Variants in SOX6 observed in about 807,000 individuals in gnomAD.
The protein encoded by SOX6 is SRY-box transcription factor 6.
SOX6 carries 11 observed loss-of-function variants against 97.8 expected under a neutral mutation model. The ratio of observed to expected loss-of-function variants is 0.11; its 90% CI spans 0.07 to 0.19. SOX6 has a LOEUF of 0.19. Among genes scored for constraint, SOX6 ranks in the 10% least tolerant of loss-of-function variants. The pLI, the probability that SOX6 is intolerant of heterozygous loss-of-function variation, is 1.00. For synonymous variants in SOX6, 360 were observed against 371.4 expected (o/e 0.97, Z 0.35); for missense variants, 810 against 1,039.5 (o/e 0.78, Z 3.04).
rs1253095801 is a variant in SOX6, at chr11:16,633,036, G to C, written n.430-20776C>G. Among the ~76,000 whole-genome samples, 53 of 152,204 alleles carry C rather than the reference G, an allele frequency of 3.5e-4. 1 individual carries two copies. Among genetic ancestry groups the C allele is most frequent in the African/African-American group, 2.4e-5 (1 of 41,456 alleles). On this transcript the variant is annotated intron_variant and non_coding_transcript_variant, in intron 3 of 5. Transcript: ENST00000524520. The stretch of plus-strand genomic sequence containing the variant: ...GGGATCTGCCTGGGCATGAAGTGGA[G>C]AGGGCCTCCCTGTACCAGGATCTCT...
chr11:16,474,284 C>T (rs1379762557), intron 1 of SOX6, among the ~76,000 whole-genome samples: 1 of 152,084 alleles, frequency 6.6e-6, no homozygotes. Context: ...TTTTTACTTA[C>T]CCCCATGAAT....
At chr11:16,512,895 CAGA>C (rs1860902292) in intron 4 of SOX6, among the ~76,000 whole-genome samples, 1 of 152,130 alleles carries the variant, frequency 6.6e-6, no homozygotes, top group Non-Finnish European at 1.5e-5. Context: ...AATCAGGGTC[CAGA>C]AGAAGGGAAT....
At chr11:16,501,732 C>A (rs962482910) in intron 4 of SOX6, among the ~76,000 whole-genome samples, 17 of 152,178 alleles carry the variant, frequency 1.1e-4, no homozygotes, top group Non-Finnish European at 2.4e-4. Context: ...CACTGGCCAT[C>A]AGAGAAATGC....
At position 15,986,428 on chromosome 11, in the gene SOX6, T is replaced by TA. The variant is rs1413936181; in HGVS notation, c.1967-9dup. On this transcript the variant is annotated splice_polypyrimidine_tract_variant and intron_variant, in intron 14 of 15. Transcript: ENST00000683767. ...TTGATTTCCAGCGAGATCCTAGAAATAAAAATAGCCTTAAGTACCCAAGTG... is the reference window on the plus strand; with the variant it reads ...TTGATTTCCAGCGAGATCCTAGAAATAAAAAATAGCCTTAAGTACCCAAGTG... 1.9e-6 allele frequency: 3 copies of TA among 1,613,774 alleles called. No homozygotes were observed. The highest frequency in any genetic ancestry group is 2.5e-6 in the Non-Finnish European group (3 of 1,179,834).
chr11:16,541,370 T>G (rs1861405974), intron 4 of SOX6, among the ~76,000 whole-genome samples: 1 of 152,088 alleles, frequency 6.6e-6, no homozygotes, highest in Admixed American at 6.5e-5. Flanking sequence ...ATAAAAACCC[T>G]AGAAGAAAAC....
intron 12 of SOX6, among the ~76,000 whole-genome samples, chr11:16,030,138 T>C (rs1855326899): frequency 6.6e-6 from 1 of 152,192 alleles, no homozygotes; most frequent in African/African-American, 2.4e-5. Context: ...GTTCTCTAAT[T>C]GGCAATGTGA....
At chr11:16,175,170 G>A (rs193171978) in intron 6 of SOX6, among the ~76,000 whole-genome samples, 32 of 151,992 alleles carry the variant, frequency 2.1e-4, no homozygotes, top group African/African-American at 6.3e-4. Flanking sequence ...ATATGCATGT[G>A]TGTATAGATA....
intron 12 of SOX6, among the ~76,000 whole-genome samples, chr11:16,044,354 G>T (rs1453481730): frequency 6.6e-6 from 1 of 152,086 alleles, no homozygotes; most frequent in Admixed American, 6.6e-5. Flanking sequence ...AAATCTAATG[G>T]ATAGATCTTA....
intron 4 of SOX6, among the ~76,000 whole-genome samples, chr11:16,225,065 AC>A (rs552422333): frequency 2.2e-4 from 34 of 152,166 alleles, no homozygotes; most frequent in African/African-American, 7.5e-4. Context: ...AAAAGGAAAA[AC>A]ATCTGTTGTG....
chr11:16,368,551 T>G (rs1186467887), intron 1 of SOX6, among the ~76,000 whole-genome samples: 1 of 152,142 alleles, frequency 6.6e-6, no homozygotes, highest in African/African-American at 2.4e-5. Flanking sequence ...AAACTGTATA[T>G]CTACCTATTT....
intron 1 of SOX6, chr11:16,434,432 T>G (rs901258119): frequency 6.6e-6 from 1 of 152,198 alleles, no homozygotes; most frequent in Non-Finnish European, 1.5e-5. Flanking sequence ...GCTGCCATTA[T>G]GGGGCTTGCT....
chr11:16,648,382 C>T (rs375823127), intron 3 of SOX6, among the ~76,000 whole-genome samples: 96 of 152,216 alleles, frequency 6.3e-4, no homozygotes, highest in Middle Eastern at 3.4e-3. Flanking sequence ...CCCACCTAAT[C>T]CTGCCCCCAC....
At chr11:16,551,490 A>G (rs1847685748) in intron 4 of SOX6, among the ~76,000 whole-genome samples, 1 of 152,218 alleles carries the variant, frequency 6.6e-6, no homozygotes, top group Admixed American at 6.5e-5. Flanking sequence ...CAAGTCACAC[A>G]TTTTAAATAG....
intron 13 of SOX6, among the ~76,000 whole-genome samples, chr11:16,004,259 C>T (rs552469940): frequency 3.9e-5 from 6 of 151,934 alleles, no homozygotes; most frequent in South Asian, 2.1e-4. Flanking sequence ...CCAAGTCTCA[C>T]GGTTAATAAA....
intron 3 of SOX6, among the ~76,000 whole-genome samples, chr11:16,250,521 C>T (rs1347689413): frequency 6.6e-6 from 1 of 151,886 alleles, no homozygotes; most frequent in Admixed American, 6.6e-5. Flanking sequence ...TCAAAGTAAA[C>T]AAGATAAGTG....
At chr11:16,082,815 C>A (rs994887690) in intron 9 of SOX6, among the ~76,000 whole-genome samples, 1 of 152,102 alleles carries the variant, frequency 6.6e-6, no homozygotes, top group Non-Finnish European at 1.5e-5. Flanking sequence ...TCATGTCTAC[C>A]ACATGCATTC....
At chr11:16,537,979 C>G (rs557569975) in intron 4 of SOX6, among the ~76,000 whole-genome samples, 1 of 152,200 alleles carries the variant, frequency 6.6e-6, no homozygotes, top group South Asian at 2.1e-4. Flanking sequence ...CAGAGAACAC[C>G]ACAATGATAC....
At chr11:16,083,591 A>G (rs150158115) in intron 9 of SOX6, among the ~76,000 whole-genome samples, 1 of 152,308 alleles carries the variant, frequency 6.6e-6, no homozygotes, top group African/African-American at 2.4e-5. Flanking sequence ...AATTTAGTTA[A>G]ATCTATGTAC....
chr11:16,429,666 G>A (rs1296755171), intron 1 of SOX6, among the ~76,000 whole-genome samples: 1 of 152,050 alleles, frequency 6.6e-6, no homozygotes. Context: ...ACACACACTG[G>A]GGCCTATCAG....
Sources: gnomAD v4.1 joint callset for allele counts (sites outside exome capture counted in the v4.1 genomes callset) on GRCh38, gnomAD v4.1.1 for gene constraint, MANE v1.5 for transcripts, NCBI Gene and HGNC (gene_info 2026-07-23, HGNC 2026-07-21) for gene names.